The following NHLH2 variants were observed in gnomAD, a reference collection of about 807,000 sequenced individuals.
NHLH2 encodes nescient helix-loop-helix 2.
NHLH2 carries 7 observed loss-of-function variants against 7.3 expected under a neutral mutation model. The ratio of observed to expected loss-of-function variants is 0.96; its 90% CI spans 0.55 to 1.81. NHLH2 has a LOEUF of 1.81. NHLH2 is among the 40% of genes most tolerant of loss of function. NHLH2 has a pLI of 0.00. For synonymous variants in NHLH2, 93 were observed against 91.6 expected, an observed-to-expected ratio of 1.01 and a Z score of -0.09; for missense variants, 155 against 194.0, an observed-to-expected ratio of 0.80 and a Z score of 1.19.
chr1:115,839,004 G>C (rs1232062155), intron 2 of NHLH2: 1 of 167,196 alleles, frequency 6.0e-6, no homozygotes, highest in African/African-American at 2.4e-5. Context: ...CTGGGGGCGG[G>C]AAGGCTTCTT....
chr1:115,840,832 G>A (rs1651053827), intron 1 of NHLH2, 116 bp downstream of exon 1: 1 of 165,374 alleles, frequency 6.0e-6, no homozygotes, highest in Non-Finnish European at 1.5e-5. Context: ...AGCTAAGGTT[G>A]CCTCTTCCTC....
Position 115,837,809 on chromosome 1 carries a change from A to G in NHLH2, c.*156T>C. On this transcript the variant is annotated 3_prime_UTR_variant, in exon 3 of 3. Coordinates refer to ENST00000320238, the MANE Select transcript of NHLH2 (RefSeq NM_005599.3). Reference sequence around the variant, plus strand: ...ACCTTCCCTCGTCGCCCTGCTGACCAGAGAGAACAGGTAGCGAGCTTCTTC... The same window carrying G: ...ACCTTCCCTCGTCGCCCTGCTGACCGGAGAGAACAGGTAGCGAGCTTCTTC... 3.8e-6 allele frequency: 3 copies of G among 791,218 alleles called. No homozygotes were observed. The highest frequency in any genetic ancestry group is 3.2e-5 in the East Asian group (1 of 31,140). 49.0% of individuals were successfully genotyped at this position (791,218 alleles called of 1,614,324 possible).
downstream of NHLH2, among the ~76,000 whole-genome samples, chr1:115,832,002 C>A (rs1480306987): frequency 6.6e-6 from 1 of 152,044 alleles, no homozygotes; most frequent in African/African-American, 2.4e-5. Context: ...GATGTGAGTG[C>A]CCGCTCATCC....
downstream of NHLH2, among the ~76,000 whole-genome samples, chr1:115,836,075 G>A (rs1052155073): frequency 2.0e-5 from 3 of 152,152 alleles, no homozygotes; most frequent in African/African-American, 7.2e-5. Context: ...GGGTTAGAGA[G>A]TTATTAAGTT....
At position 115,837,012 on chromosome 1, in the gene NHLH2, C is replaced by A. The variant is rs1013696674; in HGVS notation, c.*953G>T. The stretch of plus-strand genomic sequence containing the variant: ...CTCAACAAACACGTAAAAAGTTAGA[C>A]ATAATTATTCCACAGGAAAAAGTGT... On this transcript the variant is annotated 3_prime_UTR_variant, in exon 3 of 3. Coordinates refer to ENST00000320238, the MANE Select transcript of NHLH2 (RefSeq NM_005599.3). 1 of 152,314 alleles carries A rather than the reference C, an allele frequency of 6.6e-6. No homozygotes were observed. Among genetic ancestry groups the A allele is most frequent in the African/African-American group, 2.4e-5 (1 of 41,390 alleles). The allele number at this position is 152,314 out of a possible 1,614,324, so 9.4% of individuals were successfully genotyped here. A position where few individuals can be genotyped will look rare whatever the true frequency, so the allele number is the denominator to read the frequency against.
intron 2 of NHLH2, 76 bp from the exon 3 acceptor site, chr1:115,838,456 C>G (rs1650949181): frequency 4.7e-6 from 7 of 1,498,822 alleles, no homozygotes; most frequent in Non-Finnish European, 6.4e-6. Context: ...CGAGGCCTAC[C>G]ACGCCGGTCC....
downstream of NHLH2, among the ~76,000 whole-genome samples, chr1:115,835,013 G>T (rs1418723997): frequency 6.6e-6 from 1 of 152,182 alleles, no homozygotes; most frequent in African/African-American, 2.4e-5. Flanking sequence ...CTCTTGGAGG[G>T]TGCTCAGCAG....
At position 115,836,513 on chromosome 1, in the gene NHLH2, AC is replaced by A. The variant is rs1650874787; in HGVS notation, c.*1451del. On this transcript the variant is annotated 3_prime_UTR_variant, in exon 3 of 3. Transcript: ENST00000320238. ...TATAAAGCAACAGAGACACAAAAAAACCCTGAAAAAGACTAAAATCTTTGGA... is the reference window on the plus strand; with the variant it reads ...TATAAAGCAACAGAGACACAAAAAAACCTGAAAAAGACTAAAATCTTTGGA... 6.6e-6 allele frequency: 1 copy of A among 152,578 alleles called. No homozygotes were observed. Among genetic ancestry groups the A allele is most frequent in the South Asian group, 2.1e-4 (1 of 4,832 alleles). 9.5% of individuals were successfully genotyped at this position (152,578 alleles called of 1,614,324 possible).
rs747221509 is a variant in NHLH2, at chr1:115,837,940, G to T, written c.*25C>A. On this transcript the variant is annotated 3_prime_UTR_variant, in exon 3 of 3. Coordinates refer to ENST00000320238, the MANE Select transcript of NHLH2 (RefSeq NM_005599.3). ...TAGCGTTTCGCGGACGCCGGGACAG[G>T]CGGCCCCCCGCGGCGCACCCCGCCC... The T allele has an allele frequency of 1.3e-6, 2 of 1,581,860 alleles. No homozygotes were observed. The highest frequency in any genetic ancestry group is 1.8e-5 in the Admixed American group (1 of 56,316).
rs935438191 is a variant in NHLH2, at chr1:115,837,754, G to C, written c.*211C>G. ...ATCCCCCCTGCGAGCCCCCGGGCTC[G>C]CCAGACAACCCCACCTGCCTGCGTC... On this transcript the variant is annotated 3_prime_UTR_variant, in exon 3 of 3. Coordinates refer to ENST00000320238, the MANE Select transcript of NHLH2 (RefSeq NM_005599.3). 3.5e-6 allele frequency: 2 copies of C among 565,276 alleles called. No individual in the cohort carries two copies. Among genetic ancestry groups the C allele is most frequent in the South Asian group, 2.4e-5 (1 of 42,422 alleles). 35.0% of individuals were successfully genotyped at this position (565,276 alleles called of 1,614,324 possible).
the NHLH2 span, among the ~76,000 whole-genome samples, chr1:115,831,374 T>C: frequency 1.3e-5 from 2 of 152,216 alleles, no homozygotes; most frequent in Non-Finnish European, 2.9e-5. Flanking sequence ...TCTTATCCTG[T>C]CTTTCTCACT....
intron 2 of NHLH2, 100 bp from the exon 3 acceptor site, chr1:115,838,480 G>A (rs1650949986): frequency 7.3e-7 from 1 of 1,376,396 alleles, no homozygotes; most frequent in Non-Finnish European, 1.0e-6. Context: ...CAGCGGACGC[G>A]CGGCCCGGGC....
downstream of NHLH2, among the ~76,000 whole-genome samples, chr1:115,832,749 G>T (rs1003231131): frequency 6.6e-6 from 1 of 152,344 alleles, no homozygotes; most frequent in Admixed American, 6.5e-5. Context: ...GGGACTCAGA[G>T]AACAGAGCAG....
At chr1:115,838,890 GC>G (rs972121265) in intron 2 of NHLH2, 1 of 168,854 alleles carries the variant, frequency 5.9e-6, no homozygotes, top group African/African-American at 2.4e-5. Flanking sequence ...CAGCCGCGGC[GC>G]CCGAGGGCCT....
intron 1 of NHLH2, 67 bp downstream of exon 1, chr1:115,840,881 A>G (rs975620449): frequency 1.8e-5 from 3 of 166,562 alleles, no homozygotes; most frequent in African/African-American, 7.3e-5. Context: ...ATAGACACCT[A>G]TTTTCCAGTT....
intron 2 of NHLH2, 175 bp downstream of exon 2, chr1:115,840,041 A>T (rs1342145112): frequency 6.0e-6 from 1 of 167,036 alleles, no homozygotes; most frequent in African/African-American, 2.4e-5. Context: ...TCTGGTAAAA[A>T]GTTCCTGGGT....
intron 2 of NHLH2, chr1:115,839,772 G>A (rs539335161): frequency 3.8e-4 from 63 of 167,022 alleles, no homozygotes; most frequent in Non-Finnish European, 6.3e-4. Context: ...AAAGCAAGGG[G>A]ATGGGTGATC....
downstream of NHLH2, among the ~76,000 whole-genome samples, chr1:115,835,745 C>A (rs1650853475): frequency 6.6e-6 from 1 of 152,124 alleles, no homozygotes; most frequent in Admixed American, 6.5e-5. Context: ...GTTTTTAAGT[C>A]ATTTATGTCT....
At chr1:115,833,217 C>T (rs892771039), downstream of NHLH2, among the ~76,000 whole-genome samples, 1 of 152,136 alleles carries the variant, frequency 6.6e-6, no homozygotes, top group African/African-American at 2.4e-5. Context: ...TGACGGTGCC[C>T]TGGTGGGGGA....
Sources: gnomAD v4.1 joint callset for allele counts (sites outside exome capture counted in the v4.1 genomes callset) on GRCh38, gnomAD v4.1.1 for gene constraint, MANE v1.5 for transcripts, NCBI Gene and HGNC (gene_info 2026-07-23, HGNC 2026-07-21) for gene names.